The following UNC79 variants were observed in gnomAD, a reference collection of about 807,000 sequenced individuals.
The protein encoded by UNC79 is protein unc-79 homolog.
UNC79 carries 37 observed loss-of-function variants against 283.1 expected under a neutral mutation model. That is an observed-to-expected ratio of 0.13 (90% CI 0.10 to 0.17). The LOEUF is 0.17. UNC79 is among the 10% of genes least tolerant of loss of function. The probability of loss-of-function intolerance (pLI) is 1.00; values close to 1 mark genes in which losing one functional copy is unlikely to be tolerated. For synonymous variants in UNC79, 1,107 were observed against 1,200.2 expected (o/e 0.92, Z 1.61); for missense variants, 2,272 against 3,211.1 (o/e 0.71, Z 7.07).
intron 40 of UNC79, among the ~76,000 whole-genome samples, 168 bp from the exon 44 acceptor site, chr14:93,673,183 A>C (rs948258118): frequency 1.3e-5 from 2 of 152,092 alleles, no homozygotes; most frequent in African/African-American, 4.8e-5. Flanking sequence ...CACACACAAA[A>C]ATGCCTTTTT....
In UNC79 at chr14:93,474,289, G is replaced by A. The variant is rs751997272; in HGVS notation, c.344G>A (p.Arg115His). The change falls in exon 3 of 49, where the codon CGT becomes CAT. Residue 115 changes from arginine to histidine, a missense_variant. Arg to His is a conservative substitution (Grantham distance 29). Coordinates refer to ENST00000555664, the Ensembl canonical transcript of UNC79. The surrounding 1 kb of genome is among the most constrained non-coding windows in gnomAD (Gnocchi z 4.1). ...CCCTCAGAACGCGGCCCGCAAAGTC[G>A]TGATGCTCAGTTGTCAGACTACCCT... 79 of 1,535,932 alleles carry A rather than the reference G, an allele frequency of 5.1e-5. No individual in the cohort carries two copies. The highest frequency in any genetic ancestry group is 7.8e-5 in the Admixed American group (4 of 50,976).
At chr14:93,509,308 G>T (rs1258520477) in intron 7 of UNC79, among the ~76,000 whole-genome samples, 1 of 151,856 alleles carries the variant, frequency 6.6e-6, no homozygotes, top group Non-Finnish European at 1.5e-5. Context: ...TCCACCCTTG[G>T]CCCCTCCAAA....
At chr14:93,461,543 C>T (rs2056963831) in intron 1 of UNC79, among the ~76,000 whole-genome samples, 1 of 152,006 alleles carries the variant, frequency 6.6e-6, no homozygotes, top group African/African-American at 2.4e-5. Context: ...AGTTGGCCTT[C>T]TGGGCTATTT....
intron 47 of UNC79, 26 bp downstream of exon 50, chr14:93,694,438 G>C: frequency 6.3e-7 from 1 of 1,593,492 alleles, no homozygotes; most frequent in Non-Finnish European, 8.6e-7. Context: ...GATTTTTAAA[G>C]ACCATTTCTT....
In UNC79 at chr14:93,655,185, A is replaced by C. The variant is rs575796831; in HGVS notation, c.6283-49A>C. 5 of 1,596,962 alleles carry C rather than the reference A, an allele frequency of 3.1e-6. No homozygotes were observed. In the East Asian group the frequency reaches 8.9e-5, roughly 29 times the overall value. ...TGACATTTACCAAATAGCGCTATGC[A>C]TTCCCGTGCTGTTTCAGCAGTTGAT... On this transcript the variant is annotated intron_variant, in intron 37 of 48. Transcript: ENST00000555664.
At chr14:93,470,745 A>G (rs1289354070) in intron 2 of UNC79, among the ~76,000 whole-genome samples, 1 of 152,234 alleles carries the variant, frequency 6.6e-6, no homozygotes, top group Non-Finnish European at 1.5e-5. Context: ...AGTGAGCAAC[A>G]CACAACTTCA....
chr14:93,560,436 G>A (rs1360938847), intron 14 of UNC79, among the ~76,000 whole-genome samples: 1 of 152,204 alleles, frequency 6.6e-6, no homozygotes, highest in Non-Finnish European at 1.5e-5. Flanking sequence ...GGGCCTGAAG[G>A]ACTGATAAAG....
chr14:93,694,790 A>C (rs768722708), intron 47 of UNC79, among the ~76,000 whole-genome samples: 13 of 152,234 alleles, frequency 8.5e-5, no homozygotes, highest in Non-Finnish European at 1.3e-4. Context: ...ACAAGTACTG[A>C]AAATATTACT....
At chr14:93,334,303 C>T (rs1312275584) in intron 1 of UNC79, among the ~76,000 whole-genome samples, 1 of 152,228 alleles carries the variant, frequency 6.6e-6, no homozygotes, top group African/African-American at 2.4e-5. Flanking sequence ...TGTATTACTT[C>T]ATTTTCTTTA....
At chr14:93,462,033 G>A (rs926061210) in intron 1 of UNC79, among the ~76,000 whole-genome samples, 1 of 152,096 alleles carries the variant, frequency 6.6e-6, no homozygotes, top group East Asian at 1.9e-4. Context: ...TGGGCTAGGT[G>A]TGGTGGCTCT....
intron 14 of UNC79, among the ~76,000 whole-genome samples, chr14:93,553,538 C>T (rs887286272): frequency 6.6e-6 from 1 of 152,110 alleles, no homozygotes; most frequent in Admixed American, 6.6e-5. Context: ...TAAAACAAGA[C>T]AATTGTCTGT....
intron 1 of UNC79, among the ~76,000 whole-genome samples, chr14:93,461,063 C>G (rs1318882876): frequency 1.3e-5 from 2 of 152,128 alleles, no homozygotes; most frequent in African/African-American, 4.8e-5. Context: ...AAACTATACA[C>G]AGTTTAATCC....
rs5810634 is a variant in UNC79 at position 93,642,424 on chromosome 14, C to CAAA, written c.5904-1115_5904-1113dup. ...TGGGTGACAGAGCAAGACTCCATCT[C>CAAA]AAAAAAAAAAAAAAAAAAAAGTGAG... On this transcript the variant is annotated intron_variant, in intron 33 of 48. Coordinates refer to ENST00000555664, the Ensembl canonical transcript of UNC79. Among the ~76,000 whole-genome samples the CAAA allele has an allele frequency of 2.1e-4, 22 of 106,068 alleles. No homozygotes were observed. In the East Asian group the frequency reaches 2.7e-3, roughly 13 times the overall value. The allele number at this position is 106,068 out of a possible 152,430, so 69.6% of individuals were successfully genotyped here. A position where few individuals can be genotyped will look rare whatever the true frequency, so the allele number is the denominator to read the frequency against.
At chr14:93,425,511 A>G (rs559859177), upstream of UNC79, among the ~76,000 whole-genome samples, 2 of 152,320 alleles carry the variant, frequency 1.3e-5, no homozygotes, top group Non-Finnish European at 2.9e-5. Flanking sequence ...TTAAAACAGT[A>G]TGGTTAAACA....
chr14:93,364,321 A>C (rs1449078535), intron 1 of UNC79, among the ~76,000 whole-genome samples: 1 of 152,090 alleles, frequency 6.6e-6, no homozygotes, highest in Non-Finnish European at 1.5e-5. Context: ...TGCCTGTTTG[A>C]ACTTTAATAT....
At chr14:93,670,439 A>T (rs1290108969) in intron 40 of UNC79, among the ~76,000 whole-genome samples, 1 of 152,200 alleles carries the variant, frequency 6.6e-6, no homozygotes, top group Non-Finnish European at 1.5e-5. Flanking sequence ...AGAGCAGCTC[A>T]CAGAACTCAG....
rs966429134 is a variant in UNC79 at position 93,347,922 on chromosome 14, C to T, written c.-351+14399C>T. ...TTTCACTAGGCGCCTGTTTCTAGGA[C>T]AACGGTCTAGGTGCTCAAAATGTTT... On this transcript the variant is annotated intron_variant, in intron 1 of 49. Coordinates refer to the UNC79 transcript ENST00000256339. 8 of 660,322 alleles carry T rather than the reference C, an allele frequency of 1.2e-5. No homozygotes were observed. In the African/African-American group the frequency reaches 1.3e-4, roughly 11 times the overall value. The allele number at this position is 660,322 out of a possible 1,614,324, so 40.9% of individuals were successfully genotyped here.
At chr14:93,347,116 G>A (rs1317710404) in intron 1 of UNC79, 2 of 761,716 alleles carry the variant, frequency 2.6e-6, no homozygotes, top group Admixed American at 2.9e-5. Flanking sequence ...GAGGTGCTGG[G>A]CAGAAGGGGT....
At position 93,528,654 on chromosome 14, in the gene UNC79, TAA is replaced by T. The variant is rs1447765673; in HGVS notation, c.1052+9_1052+10del. The stretch of plus-strand genomic sequence containing the variant: ...CAGCGAGAGGATTGCAGGGTAGGTA[TAA>T]GAGTTCTTAAAGAAAAGGAAATAGG... On this transcript the variant is annotated intron_variant, in intron 9 of 48. Coordinates refer to ENST00000555664, the Ensembl canonical transcript of UNC79. 2 of 1,612,012 alleles carry T rather than the reference TAA, an allele frequency of 1.2e-6. No homozygotes were observed. The highest frequency in any genetic ancestry group is 2.2e-5 in the South Asian group (2 of 90,700).
Sources: allele counts gnomAD v4.1 joint callset (sites outside exome capture counted in the v4.1 genomes callset), GRCh38; gene constraint gnomAD v4.1.1; non-coding constraint Gnocchi (gnomAD v3.1); transcripts MANE v1.5; gene names NCBI Gene and HGNC (gene_info 2026-07-23, HGNC 2026-07-21).